The following PCCA variants were observed in gnomAD, a reference collection of about 807,000 sequenced individuals.
PCCA encodes the protein propionyl-CoA carboxylase subunit alpha.
A neutral mutation model predicts 101.3 loss-of-function variants in PCCA; 74 were observed. That is an observed-to-expected ratio of 0.73 (90% CI 0.61 to 0.89). The LOEUF (loss-of-function observed/expected upper bound fraction) is 0.89. PCCA is among the 40% of genes least tolerant of loss of function. The probability of loss-of-function intolerance (pLI) is 0.00; values close to 1 mark genes in which losing one functional copy is unlikely to be tolerated. For missense variants in PCCA, 891 were observed against 907.0 expected, an observed-to-expected ratio of 0.98 and a Z score of 0.23; for synonymous variants, 294 against 313.6, an observed-to-expected ratio of 0.94 and a Z score of 0.66.
intron 7 of PCCA, among the ~76,000 whole-genome samples, chr13:100,224,469 G>C (rs1028696588): frequency 3.9e-5 from 6 of 152,234 alleles, no homozygotes; most frequent in Non-Finnish European, 5.9e-5. Context: ...AGCTGGCTCT[G>C]GCCTTGGCCA....
At chr13:100,391,605 A>C (rs556346586) in intron 19 of PCCA, among the ~76,000 whole-genome samples, 1 of 152,130 alleles carries the variant, frequency 6.6e-6, no homozygotes, top group Admixed American at 6.5e-5. Context: ...GAGAGGTGCC[A>C]GTGAGGGAGG....
At position 100,495,422 on chromosome 13, in the gene PCCA, T is replaced by G. The variant is rs373560490; in HGVS notation, c.1900-20005T>G. Among the ~76,000 whole-genome samples the G allele has an allele frequency of 5.3e-5, 8 of 152,248 alleles. No homozygotes were observed. In the East Asian group the frequency reaches 7.7e-4, roughly 15 times the overall value. Reference sequence around the variant, plus strand: ...CTGATGGTGAATGTCAGGGGACTACTAGGTGTCCCTTCTATTTTTGTTAAC... The same window carrying G: ...CTGATGGTGAATGTCAGGGGACTACGAGGTGTCCCTTCTATTTTTGTTAAC... On this transcript the variant is annotated intron_variant, in intron 21 of 23. Coordinates refer to ENST00000376285, the MANE Select transcript of PCCA (RefSeq NM_000282.4).
intron 4 of PCCA, among the ~76,000 whole-genome samples, chr13:100,133,623 A>T (rs2050791409): frequency 6.6e-6 from 1 of 152,182 alleles, no homozygotes; most frequent in African/African-American, 2.4e-5. Context: ...TTATTTCAAC[A>T]CCATTCATTG....
rs1376641242 is a variant in PCCA at position 100,527,309 on chromosome 13, C to G, written c.2041-366C>G. ...TCTTCAACCCCAGGCAACCTCGAGT[C>G]TGTCTGTAGAGATCTGCCTATTCTG... On this transcript the variant is annotated intron_variant, in intron 22 of 23. Coordinates refer to ENST00000376285, the MANE Select transcript of PCCA (RefSeq NM_000282.4). The G allele has an allele frequency of 1.9e-5, 9 of 475,882 alleles. No homozygotes were observed. In the East Asian group the frequency reaches 6.1e-4, roughly 32 times the overall value. The allele number at this position is 475,882 out of a possible 1,614,324, so 29.5% of individuals were successfully genotyped here.
intron 9 of PCCA, among the ~76,000 whole-genome samples, chr13:100,260,397 G>T (rs1281665930): frequency 3.3e-5 from 5 of 149,260 alleles, no homozygotes; most frequent in African/African-American, 1.2e-4. Flanking sequence ...GTGTGTGTGT[G>T]TTTTTTTTTT....
At chr13:100,103,156 C>CT (rs772209567) in intron 2 of PCCA, among the ~76,000 whole-genome samples, 196 bp downstream of exon 2, 5 of 152,062 alleles carry the variant, frequency 3.3e-5, no homozygotes, top group Non-Finnish European at 5.9e-5. Flanking sequence ...CAGTCTGAAT[C>CT]TTTTTAATTT....
In PCCA at chr13:100,521,854, G is replaced by A. The variant is rs1056518198; in HGVS notation, c.2041-5821G>A. On this transcript the variant is annotated intron_variant, in intron 22 of 23. Transcript: ENST00000376285. ...ATCCGTGTTTTTCCGGTGGTCCGGC[G>A]TTGCAGAAGTGGAAACTGCAGCGGG... Among the ~76,000 whole-genome samples the A allele has an allele frequency of 3.3e-5, 5 of 152,178 alleles. No individual in the cohort carries two copies. In the East Asian group the frequency reaches 9.6e-4, roughly 29 times the overall value.
intron 22 of PCCA, among the ~76,000 whole-genome samples, chr13:100,526,605 G>T (rs928310488): frequency 6.6e-6 from 1 of 152,250 alleles, no homozygotes; most frequent in African/African-American, 2.4e-5. Flanking sequence ...GGCCACAGTG[G>T]TGTGAGGGGC....
At chr13:100,280,451 A>G (rs943725899) in intron 12 of PCCA, among the ~76,000 whole-genome samples, 20 of 151,740 alleles carry the variant, frequency 1.3e-4, no homozygotes, top group Admixed American at 5.9e-4. Flanking sequence ...TGCCACTCCC[A>G]TTGCTTGGAA....
chr13:100,121,107 C>T (rs977003385), intron 4 of PCCA, among the ~76,000 whole-genome samples: 1 of 146,490 alleles, frequency 6.8e-6, no homozygotes, highest in South Asian at 2.2e-4. Context: ...TGTAAACTTG[C>T]TGAACTCTTT....
intron 12 of PCCA, among the ~76,000 whole-genome samples, chr13:100,293,437 C>T (rs1344967340): frequency 2.0e-5 from 3 of 152,070 alleles, no homozygotes; most frequent in Admixed American, 1.3e-4. Context: ...TGGTTTATAA[C>T]AATTAACTAT....
At chr13:100,243,555 A>G (rs2061273821) in intron 8 of PCCA, among the ~76,000 whole-genome samples, 1 of 152,248 alleles carries the variant, frequency 6.6e-6, no homozygotes, top group Admixed American at 6.5e-5. Context: ...TATACTTGTT[A>G]GTGACTACTA....
intron 7 of PCCA, among the ~76,000 whole-genome samples, chr13:100,218,133 G>A (rs2059622001): frequency 6.6e-6 from 1 of 151,086 alleles, no homozygotes; most frequent in Non-Finnish European, 1.5e-5. Context: ...TTTGACCATT[G>A]CAATTAGTAT....
intron 16 of PCCA, among the ~76,000 whole-genome samples, chr13:100,315,987 A>G (rs2067312396): frequency 6.6e-6 from 1 of 152,184 alleles, no homozygotes; most frequent in African/African-American, 2.4e-5. Flanking sequence ...TAACTTTCAA[A>G]TCTGTATGAT....
chr13:100,239,022 G>A (rs2060970674), intron 8 of PCCA, among the ~76,000 whole-genome samples: 1 of 152,134 alleles, frequency 6.6e-6, no homozygotes, highest in Admixed American at 6.5e-5. Flanking sequence ...CCTCTCTCAT[G>A]TCTTTGCTTT....
At chr13:100,382,833 CAG>C (rs1351116228) in intron 19 of PCCA, among the ~76,000 whole-genome samples, 3 of 151,874 alleles carry the variant, frequency 2.0e-5, no homozygotes, top group Non-Finnish European at 4.4e-5. Context: ...TAAGGGAAGG[CAG>C]AGTTGGAAGT....
chr13:100,312,645 ATTGT>A (rs1403491523), intron 16 of PCCA, among the ~76,000 whole-genome samples: 3 of 152,224 alleles, frequency 2.0e-5, no homozygotes, highest in East Asian at 1.9e-4. Flanking sequence ...TTACAACAAC[ATTGT>A]TTGTAGTAGC....
chr13:100,509,185 C>G (rs980318190), intron 21 of PCCA, among the ~76,000 whole-genome samples: 1 of 152,126 alleles, frequency 6.6e-6, no homozygotes, highest in African/African-American at 2.4e-5. Context: ...TGTGCACTTG[C>G]CAGTAGACGG....
intron 19 of PCCA, among the ~76,000 whole-genome samples, chr13:100,421,709 G>A (rs1330808595): frequency 6.6e-6 from 1 of 151,572 alleles, no homozygotes; most frequent in East Asian, 1.9e-4. Context: ...TTTTGAGATG[G>A]AGTCCCGCTC....
Sources: gnomAD v4.1 joint callset for allele counts (sites outside exome capture counted in the v4.1 genomes callset) on GRCh38, gnomAD v4.1.1 for gene constraint, MANE v1.5 for transcripts, NCBI Gene and HGNC (gene_info 2026-07-23, HGNC 2026-07-21) for gene names.